The following STPG2 variants were observed in gnomAD, a reference collection of about 807,000 sequenced individuals.
STPG2 encodes the protein sperm tail PG-rich repeat containing 2, also known as sperm-tail PG-rich repeat-containing protein 2.
In STPG2, 56 loss-of-function variants were observed where a neutral mutation model predicts 54.2. The ratio of observed to expected loss-of-function variants is 1.03; its 90% CI spans 0.83 to 1.29. The LOEUF (loss-of-function observed/expected upper bound fraction) is 1.29. Ranked by LOEUF, STPG2 falls within the 50% of genes most tolerant of loss-of-function variation. The pLI, the probability that STPG2 is intolerant of heterozygous loss-of-function variation, is 0.00. For missense variants in STPG2, 596 were observed against 544.9 expected, an observed-to-expected ratio of 1.09 and a Z score of -0.93; for synonymous variants, 200 against 181.8, an observed-to-expected ratio of 1.10 and a Z score of -0.81.
At position 97,742,319 on chromosome 4, in the gene STPG2, G is replaced by C. The variant is rs535729906; in HGVS notation, c.1205-29505C>G. Among the ~76,000 whole-genome samples the C allele has an allele frequency of 2.6e-3, 400 of 151,200 alleles. 2 individuals are homozygous for C. The highest frequency in any genetic ancestry group is 9.1e-3 in the African/African-American group (376 of 41,264). Reference sequence around the variant, plus strand: ...GCATGGCACATGTATACATATGTAAGTAACCTGCATATTGTGCACATGTAC... The same window carrying C: ...GCATGGCACATGTATACATATGTAACTAACCTGCATATTGTGCACATGTAC... On this transcript the variant is annotated intron_variant, in intron 9 of 10. Transcript: ENST00000295268.
chr4:98,047,073 C>A (rs557629866), intron 5 of STPG2, among the ~76,000 whole-genome samples: 1 of 151,860 alleles, frequency 6.6e-6, no homozygotes, highest in African/African-American at 2.4e-5. Flanking sequence ...CTGTTGTAGC[C>A]TTCTTGCTCT....
At chr4:97,739,389 C>T (rs370227146) in intron 9 of STPG2, among the ~76,000 whole-genome samples, 34 of 151,988 alleles carry the variant, frequency 2.2e-4, no homozygotes, top group African/African-American at 3.1e-4. Context: ...GAAATAGAGA[C>T]GCAAAAAACC....
chr4:98,057,076 G>A (rs1021434994), intron 5 of STPG2, among the ~76,000 whole-genome samples: 1 of 152,178 alleles, frequency 6.6e-6, no homozygotes, highest in African/African-American at 2.4e-5. Flanking sequence ...AAGATTGAAG[G>A]TAGGTAAGCC....
intron 1 of STPG2, among the ~76,000 whole-genome samples, chr4:98,135,698 G>C (rs1402144542): frequency 4.6e-5 from 7 of 151,608 alleles, no homozygotes; most frequent in Non-Finnish European, 1.0e-4. Context: ...GAAGGGAAAG[G>C]GAGGAAAGAA....
intron 8 of STPG2, among the ~76,000 whole-genome samples, chr4:97,856,001 C>A (rs1390716989): frequency 6.6e-6 from 1 of 151,928 alleles, no homozygotes. Flanking sequence ...CTTCTGAGTT[C>A]TCTATTCTGT....
At chr4:97,817,492 T>G (rs1208151816) in intron 9 of STPG2, among the ~76,000 whole-genome samples, 1 of 151,994 alleles carries the variant, frequency 6.6e-6, no homozygotes, top group South Asian at 2.1e-4. Context: ...TGAACTGTTC[T>G]CTATAAATCC....
At chr4:98,024,866 T>C (rs551939453) in intron 5 of STPG2, among the ~76,000 whole-genome samples, 64 of 152,312 alleles carry the variant, frequency 4.2e-4, no homozygotes, top group African/African-American at 1.5e-3. Flanking sequence ...AAAATAAAGT[T>C]TTATTTGTAT....
At chr4:97,472,398 G>C (rs563572826) in intron 4 of STPG2, among the ~76,000 whole-genome samples, 9 of 152,296 alleles carry the variant, frequency 5.9e-5, no homozygotes, top group African/African-American at 1.9e-4. Flanking sequence ...AGTGAATATT[G>C]AAGAAACATC....
chr4:97,640,419 A>G (rs1420740538), intron 10 of STPG2, among the ~76,000 whole-genome samples: 1 of 152,032 alleles, frequency 6.6e-6, no homozygotes, highest in Non-Finnish European at 1.5e-5. Flanking sequence ...AAAAATTGGT[A>G]CAGAAAAGTG....
intron 10 of STPG2, among the ~76,000 whole-genome samples, chr4:97,694,570 A>G (rs568791133): frequency 6.6e-6 from 1 of 152,080 alleles, no homozygotes; most frequent in South Asian, 2.1e-4. Context: ...GCACTTTGGG[A>G]GGCCGAGGCG....
At chr4:98,032,025 A>C (rs1736615849) in intron 5 of STPG2, among the ~76,000 whole-genome samples, 1 of 152,180 alleles carries the variant, frequency 6.6e-6, no homozygotes, top group African/African-American at 2.4e-5. Context: ...GTACCACTTT[A>C]CTCCTGCAAT....
At chr4:97,729,314 G>A (rs1268875108) in intron 9 of STPG2, among the ~76,000 whole-genome samples, 2 of 151,954 alleles carry the variant, frequency 1.3e-5, no homozygotes, top group African/African-American at 4.8e-5. Context: ...CTTGGTTGGT[G>A]GAAAAGTAAT....
intron 8 of STPG2, among the ~76,000 whole-genome samples, chr4:97,915,855 G>A (rs184002042): frequency 2.0e-5 from 3 of 152,112 alleles, no homozygotes; most frequent in Non-Finnish European, 4.4e-5. Context: ...CATAGTCAGA[G>A]CTATGCTTCG....
intron 9 of STPG2, among the ~76,000 whole-genome samples, chr4:97,799,443 A>G (rs1043827757): frequency 2.0e-5 from 3 of 152,022 alleles, no homozygotes; most frequent in South Asian, 2.1e-4. Context: ...CACTTATGAA[A>G]CTTTGTTTGG....
chr4:97,625,176 A>G (rs558744796), intron 10 of STPG2, among the ~76,000 whole-genome samples: 1 of 152,358 alleles, frequency 6.6e-6, no homozygotes, highest in East Asian at 1.9e-4. Context: ...GACTAATGTA[A>G]TAGACATCTT....
At chr4:97,938,914 C>T (rs1027293282) in intron 8 of STPG2, among the ~76,000 whole-genome samples, 12 of 151,756 alleles carry the variant, frequency 7.9e-5, no homozygotes, top group Admixed American at 7.9e-4. Flanking sequence ...TTGGGTCTGC[C>T]CCTCCTTTTC....
intron 8 of STPG2, among the ~76,000 whole-genome samples, chr4:97,888,809 A>C (rs1730670333): frequency 6.6e-6 from 1 of 152,168 alleles, no homozygotes; most frequent in South Asian, 2.1e-4. Flanking sequence ...GTCAAATTGC[A>C]ACCCCCAGTG....
At chr4:97,828,536 A>C (rs2149109983) in intron 9 of STPG2, among the ~76,000 whole-genome samples, 1 of 152,078 alleles carries the variant, frequency 6.6e-6, no homozygotes, top group East Asian at 1.9e-4. Context: ...GAATTCCAGC[A>C]AGACAAAACC....
intron 5 of STPG2, among the ~76,000 whole-genome samples, chr4:98,013,113 G>A (rs956158095): frequency 6.6e-6 from 1 of 152,154 alleles, no homozygotes; most frequent in Non-Finnish European, 1.5e-5. Context: ...TTATCATTTT[G>A]AGATATGTTC....
Sources: allele counts gnomAD v4.1 joint callset (sites outside exome capture counted in the v4.1 genomes callset), GRCh38; gene constraint gnomAD v4.1.1; transcripts MANE v1.5; gene names NCBI Gene and HGNC (gene_info 2026-07-23, HGNC 2026-07-21).